Variants in SPRY3 observed in about 807,000 individuals in gnomAD.
The protein encoded by SPRY3 is protein sprouty homolog 3.
In SPRY3, 15 loss-of-function variants were observed where a neutral mutation model predicts 20.2. The observed-to-expected ratio is 0.74, with a 90% CI of 0.50 to 1.14. The LOEUF (loss-of-function observed/expected upper bound fraction) is 1.14, where lower values mean the gene tolerates loss of function less well. Ranked by LOEUF, SPRY3 falls within the 50% of genes most tolerant of loss-of-function variation. SPRY3 has a pLI of 0.00. For missense variants in SPRY3, 364 were observed against 363.9 expected, an observed-to-expected ratio of 1.00 and a Z score of 0.00; for synonymous variants, 143 against 136.5, an observed-to-expected ratio of 1.05 and a Z score of -0.33.
At chrX:155,717,916 G>A (rs1429444984) in intron 2 of SPRY3, among the ~76,000 whole-genome samples, 2 of 152,106 alleles carry the variant, frequency 1.3e-5, no homozygotes, top group Admixed American at 6.6e-5. Flanking sequence ...AAACTGCTGA[G>A]TGTAGGTCCT....
At chrX:155,740,778 C>A (rs1602980218) in intron 2 of SPRY3, among the ~76,000 whole-genome samples, 1 of 147,032 alleles carries the variant, frequency 6.8e-6, no homozygotes, top group Non-Finnish European at 1.5e-5. Flanking sequence ...CTTTGTTCTC[C>A]TTTTTGCCCC....
chrX:155,684,126 G>C (rs769415490), intron 2 of SPRY3, among the ~76,000 whole-genome samples: 3 of 110,912 alleles, frequency 2.7e-5, no homozygotes, highest in Non-Finnish European at 3.8e-5. Flanking sequence ...GAGAGAGTGA[G>C]AAGTGAGATG....
intron 2 of SPRY3, among the ~76,000 whole-genome samples, chrX:155,757,240 C>T (rs1163177441): frequency 1.3e-4 from 20 of 152,106 alleles, no homozygotes; most frequent in Admixed American, 1.1e-3. Flanking sequence ...TAGGCATAGG[C>T]GTGCTGATCT....
At chrX:155,774,336 C>T (rs373322343) in exon 4 of SPRY3, 33 of 1,613,900 alleles carry the variant, frequency 2.0e-5, no homozygotes, top group Non-Finnish European at 2.5e-5. Context: ...GCTGCAAGTG[C>T]GTCCCCTGCA....
chrX:155,714,296 G>A (rs749688438), intron 2 of SPRY3, among the ~76,000 whole-genome samples: 1 of 152,210 alleles, frequency 6.6e-6, no homozygotes, highest in South Asian at 2.1e-4. Context: ...TGAAGTGTTA[G>A]GCATTCATTG....
chrX:155,725,604 T>C (rs1485548163), intron 2 of SPRY3, among the ~76,000 whole-genome samples: 1 of 152,276 alleles, frequency 6.6e-6, no homozygotes, highest in East Asian at 1.9e-4. Context: ...AGATTATTTG[T>C]GTAGAGGTGT....
downstream of SPRY3, chrX:155,781,184 A>C (rs28619336): frequency 3.0e-5 from 5 of 167,016 alleles, no homozygotes; most frequent in Non-Finnish European, 7.3e-5. Flanking sequence ...TGCCACTAAC[A>C]CTATCTGCCT....
rs948446645 is a variant in SPRY3, at chrX:155,689,120, C to T, written c.-282+32095C>T. On this transcript the variant is annotated intron_variant, in intron 2 of 3. Transcript: ENST00000675360. ...GAAGCTCTTTAGAATAATTAGATCC[C>T]GTATGACAATTTTTGCTTTTGTTGC... 4.6e-5 allele frequency among the ~76,000 whole-genome samples: 4 copies of T among 87,578 alleles called. 1 individual carries two copies. Among genetic ancestry groups the T allele is most frequent in the Non-Finnish European group, 8.5e-5 (4 of 46,973 alleles). 76.1% of individuals were successfully genotyped at this position (87,578 alleles called of 115,157 possible). A position where few individuals can be genotyped will look rare whatever the true frequency, so the allele number is the denominator to read the frequency against.
At chrX:155,673,623 C>T (rs1256658610) in intron 2 of SPRY3, among the ~76,000 whole-genome samples, 1 of 111,859 alleles carries the variant, frequency 8.9e-6, no homozygotes, top group Non-Finnish European at 1.9e-5. Context: ...TTTACAAGCC[C>T]CCCTCTTATA....
At chrX:155,733,777 A>T (rs553369) in intron 2 of SPRY3, among the ~76,000 whole-genome samples, 87,929 of 151,910 alleles carry the variant, frequency 0.58, 25,907 homozygotes, top group African/African-American at 0.84. Context: ...GCCACCTTTA[A>T]CAGTTTTCTG....
At chrX:155,740,409 C>G (rs1351428835) in intron 2 of SPRY3, among the ~76,000 whole-genome samples, 1 of 152,038 alleles carries the variant, frequency 6.6e-6, no homozygotes, top group African/African-American at 2.4e-5. Context: ...AACGGACGTG[C>G]AAGTAGGGAA....
chrX:155,681,570 C>G (rs1247670423), intron 2 of SPRY3, among the ~76,000 whole-genome samples: 1 of 112,342 alleles, frequency 8.9e-6, no homozygotes, highest in Non-Finnish European at 1.9e-5. Flanking sequence ...AAAGCTAGAC[C>G]TCTTGCACTA....
At chrX:155,688,007 T>C (rs2068092399) in intron 2 of SPRY3, among the ~76,000 whole-genome samples, 1 of 109,825 alleles carries the variant, frequency 9.1e-6, no homozygotes, top group African/African-American at 3.3e-5. Context: ...AAGCATAGCA[T>C]CCATTAGCTA....
chrX:155,728,256 AG>A (rs1201637705), intron 2 of SPRY3, among the ~76,000 whole-genome samples: 1 of 152,164 alleles, frequency 6.6e-6, no homozygotes, highest in Non-Finnish European at 1.5e-5. Context: ...TCTCCTAGTT[AG>A]GCTACACAGG....
intron 2 of SPRY3, among the ~76,000 whole-genome samples, chrX:155,753,939 C>T (rs2091274022): frequency 6.6e-6 from 1 of 151,698 alleles, no homozygotes; most frequent in African/African-American, 2.4e-5. Flanking sequence ...CCATTTGTTT[C>T]TTTGTTTTAG....
intron 2 of SPRY3, among the ~76,000 whole-genome samples, chrX:155,659,429 G>A (rs782312381): frequency 2.9e-4 from 32 of 110,590 alleles, no homozygotes; most frequent in South Asian, 1.2e-3. Context: ...ACAGACGTGC[G>A]CCACCACACC....
At chrX:155,709,163 T>C (rs186948783) in intron 2 of SPRY3, among the ~76,000 whole-genome samples, 6 of 151,874 alleles carry the variant, frequency 4.0e-5, no homozygotes, top group East Asian at 3.9e-4. Flanking sequence ...TATACTGATT[T>C]CTTGTCTTTT....
downstream of SPRY3, chrX:155,777,635 T>TTATATATATATATATATATATA (rs1405328791): frequency 5.3e-5 from 1 of 18,800 alleles, no homozygotes; most frequent in Non-Finnish European, 9.9e-5. Flanking sequence ...CCTTCTGTGA[T>TTATATATATATATATATATATA]TATATATATT....
intron 2 of SPRY3, among the ~76,000 whole-genome samples, chrX:155,722,064 C>A (rs749247571): frequency 1.8e-4 from 28 of 151,990 alleles, no homozygotes; most frequent in African/African-American, 6.8e-4. Flanking sequence ...TTAAAAAGCA[C>A]GGGAACAAAG....
Sources: gnomAD v4.1 joint callset for allele counts (sites outside exome capture counted in the v4.1 genomes callset) on GRCh38, gnomAD v4.1.1 for gene constraint, MANE v1.5 for transcripts, NCBI Gene and HGNC (gene_info 2026-07-23, HGNC 2026-07-21) for gene names.